Variants in FLT3 observed in about 807,000 individuals in gnomAD.
FLT3 encodes the protein receptor-type tyrosine-protein kinase FLT3.
In FLT3, 46 loss-of-function variants were observed where a neutral mutation model predicts 126.6. The observed-to-expected ratio is 0.36, with a 90% CI of 0.29 to 0.46. FLT3 has a LOEUF of 0.46. Among genes scored for constraint, FLT3 ranks in the 20% least tolerant of loss-of-function variants. The pLI is 1.00. For missense variants in FLT3, 1,069 were observed against 1,190.3 expected (o/e 0.90, Z 1.50); for synonymous variants, 404 against 434.4 (o/e 0.93, Z 0.87).
intron 9 of FLT3, among the ~76,000 whole-genome samples, chr13:28,042,444 T>A (rs1054208663): frequency 6.6e-6 from 1 of 152,132 alleles, no homozygotes; most frequent in African/African-American, 2.4e-5. Context: ...GGTGCTTACA[T>A]AGAAAAAGTC....
intron 23 of FLT3, among the ~76,000 whole-genome samples, chr13:28,004,671 G>T (rs753014684): frequency 3.3e-5 from 5 of 152,160 alleles, no homozygotes; most frequent in Non-Finnish European, 5.9e-5. Flanking sequence ...CAGGAAACGT[G>T]TAGACAAGTA....
intron 3 of FLT3, among the ~76,000 whole-genome samples, chr13:28,060,690 C>T (rs28858374): frequency 0.16 from 24,907 of 151,890 alleles, 2,227 homozygotes; most frequent in Middle Eastern, 0.26. Flanking sequence ...ACCGAACATC[C>T]CCCTCTGGGC....
intron 20 of FLT3, among the ~76,000 whole-genome samples, chr13:28,017,630 T>C (rs1414120718): frequency 6.6e-6 from 1 of 152,008 alleles, no homozygotes; most frequent in African/African-American, 2.4e-5. Context: ...TAGTTTTTCA[T>C]TACCAAGTCA....
intron 1 of FLT3, among the ~76,000 whole-genome samples, chr13:28,086,619 C>CATGT (rs540088694): frequency 4.5e-5 from 6 of 134,726 alleles, no homozygotes; most frequent in African/African-American, 1.6e-4. Context: ...CTGAAGAACT[C>CATGT]GTGTGTGTGT....
chr13:28,049,244 C>T, intron 8 of FLT3, 140 bp downstream of exon 8: 1 of 848,020 alleles, frequency 1.2e-6, no homozygotes. Context: ...ATTATCTTTG[C>T]AAAGCTATTC....
chr13:28,007,791 T>TA (rs1871042238), intron 23 of FLT3, among the ~76,000 whole-genome samples: 1 of 152,216 alleles, frequency 6.6e-6, no homozygotes, highest in Non-Finnish European at 1.5e-5. Flanking sequence ...GATTAAGAGT[T>TA]ATTAATTTTG....
chr13:28,033,786 CAG>C, intron 15 of FLT3, 99 bp downstream of exon 15: 1 of 909,746 alleles, frequency 1.1e-6, no homozygotes, highest in Non-Finnish European at 1.8e-6. Context: ...ACATGGCAAA[CAG>C]TAACCATTAA....
intron 15 of FLT3, among the ~76,000 whole-genome samples, chr13:28,029,975 G>A (rs559238368): frequency 7.9e-5 from 12 of 152,302 alleles, no homozygotes; most frequent in South Asian, 2.1e-4. Flanking sequence ...GCAGCCACAG[G>A]GGCAAGGGCA....
At chr13:28,088,584 CTTTT>C (rs34680883) in intron 1 of FLT3, among the ~76,000 whole-genome samples, 3 of 103,358 alleles carry the variant, frequency 2.9e-5, no homozygotes, top group Non-Finnish European at 5.5e-5. Flanking sequence ...CATCCAAAAC[CTTTT>C]TTTTTTTTTT....
intron 20 of FLT3, among the ~76,000 whole-genome samples, chr13:28,018,137 C>T (rs1444895846): frequency 6.6e-6 from 1 of 152,184 alleles, no homozygotes; most frequent in African/African-American, 2.4e-5. Context: ...ACTCAATCAT[C>T]ACTTTATAGC....
intron 18 of FLT3, 87 bp from the exon 19 acceptor site, chr13:28,023,564 G>T: frequency 1.4e-6 from 2 of 1,402,536 alleles, no homozygotes; most frequent in Non-Finnish European, 2.0e-6. Flanking sequence ...TCAAGCCAGA[G>T]TTAGGTGAGG....
intron 3 of FLT3, among the ~76,000 whole-genome samples, 161 bp downstream of exon 3, chr13:28,061,706 G>T (rs1220860065): frequency 6.6e-6 from 1 of 151,740 alleles, no homozygotes; most frequent in African/African-American, 2.4e-5. Flanking sequence ...GGAAGGTCGA[G>T]GCTACAGTGA....
At chr13:28,015,386 GA>G in intron 21 of FLT3, 130 bp from the exon 22 acceptor site, 1 of 767,424 alleles carries the variant, frequency 1.3e-6, no homozygotes, top group Non-Finnish European at 2.2e-6. Flanking sequence ...CTGCGGCTGG[GA>G]AAAAGAAGTC....
rs1057520025 is a variant in FLT3, at chr13:28,034,144, A to G, written c.1775T>C (p.Val592Ala). The G allele has an allele frequency of 3.1e-6, 5 of 1,614,016 alleles. No homozygotes were observed. Among genetic ancestry groups the G allele is most frequent in the South Asian group, 1.1e-5 (1 of 91,068 alleles). The stretch of plus-strand genomic sequence containing the variant: ...ATCATATTCATATTCTCTGAAATCA[A>G]CGTAGAAGTACTCATTATCTGAGGA... ...TGSSDNEYFY[V>A]DFREYEYDLK... The change falls in exon 14 of 24, where the codon GTT becomes GCT. Residue 592 changes from valine (V) to alanine (A), a missense_variant. Coordinates refer to ENST00000241453, the MANE Select transcript of FLT3 (RefSeq NM_004119.3).
At chr13:28,095,118 G>A (rs1318901332) in intron 1 of FLT3, among the ~76,000 whole-genome samples, 3 of 152,126 alleles carry the variant, frequency 2.0e-5, no homozygotes, top group Non-Finnish European at 4.4e-5. Context: ...AAGCTTGCAG[G>A]TGAGCAGTCT....
Position 28,035,578 on chromosome 13 carries a change from TCA to T in FLT3, c.1512_1513del (p.Ser504ArgfsTer21). On this transcript the variant is annotated frameshift_variant, in exon 12 of 24. Transcript: ENST00000241453. LOFTEE classifies it high-confidence loss of function. The stretch of plus-strand genomic sequence containing the variant: ...CTTGACCAGGAACCCTTTTATGGCT[TCA>T]CTCATGTTTAGAGTACTGCTCGACA... 1 of 1,614,212 alleles carries T rather than the reference TCA, an allele frequency of 6.2e-7. No individual in the cohort carries two copies. The highest frequency in any genetic ancestry group is 8.5e-7 in the Non-Finnish European group (1 of 1,180,030).
At chr13:28,063,436 C>T (rs953614125) in intron 2 of FLT3, among the ~76,000 whole-genome samples, 1 of 152,084 alleles carries the variant, frequency 6.6e-6, no homozygotes, top group Non-Finnish European at 1.5e-5. Context: ...GCCTAGATCC[C>T]GCCAATGCAC....
At chr13:28,051,383 C>T (rs1440310613) in intron 5 of FLT3, among the ~76,000 whole-genome samples, 1 of 151,078 alleles carries the variant, frequency 6.6e-6, no homozygotes, top group African/African-American at 2.4e-5. Flanking sequence ...ATTACAGATG[C>T]CCACCACCAC....
chr13:28,041,125 T>A (rs1364872203), intron 9 of FLT3, among the ~76,000 whole-genome samples: 1 of 152,044 alleles, frequency 6.6e-6, no homozygotes, highest in Non-Finnish European at 1.5e-5. Flanking sequence ...ATAGAAAGAT[T>A]GGGGGAAAGC....
Sources: gnomAD v4.1 joint callset for allele counts (sites outside exome capture counted in the v4.1 genomes callset) on GRCh38, gnomAD v4.1.1 for gene constraint, MANE v1.5 for transcripts, NCBI Gene and HGNC (gene_info 2026-07-23, HGNC 2026-07-21) for gene names.